Variants in PHF20 observed in about 807,000 individuals in gnomAD.
PHF20 encodes glioma-expressed antigen 2.
PHF20 carries 23 observed loss-of-function variants against 113.5 expected under a neutral mutation model. That is an observed-to-expected ratio of 0.20 (90% CI 0.15 to 0.29). PHF20 has a LOEUF of 0.29. Among genes scored for constraint, PHF20 ranks in the 10% least tolerant of loss-of-function variants. PHF20 has a pLI of 1.00. For missense variants in PHF20, 943 were observed against 1,219.6 expected (o/e 0.77, Z 3.38); for synonymous variants, 434 against 457.3 (o/e 0.95, Z 0.65).
At chr20:35,883,037 AAAAAAAG>A (rs1448815022) in intron 9 of PHF20, among the ~76,000 whole-genome samples, 1 of 151,566 alleles carries the variant, frequency 6.6e-6, no homozygotes, top group Non-Finnish European at 1.5e-5. Flanking sequence ...CAAAAAAAAA[AAAAAAAG>A]AAAAAAGAAA....
chr20:35,819,468 C>G (rs1036319998), intron 2 of PHF20, among the ~76,000 whole-genome samples: 1 of 152,150 alleles, frequency 6.6e-6, no homozygotes, highest in African/African-American at 2.4e-5. Flanking sequence ...ACTCTGGTAC[C>G]TTTCCACTAC....
chr20:35,918,512 T>G (rs965843531), intron 13 of PHF20, among the ~76,000 whole-genome samples: 4 of 152,174 alleles, frequency 2.6e-5, no homozygotes, highest in African/African-American at 9.7e-5. Flanking sequence ...GGTTCTTTTT[T>G]ATTTTATTCC....
intron 2 of PHF20, among the ~76,000 whole-genome samples, chr20:35,825,957 T>C (rs2042253427): frequency 6.6e-6 from 1 of 152,172 alleles, no homozygotes; most frequent in Non-Finnish European, 1.5e-5. Context: ...ATATGGACCA[T>C]TATGGGCACT....
chr20:35,890,650 G>A (rs2054831735), intron 9 of PHF20, among the ~76,000 whole-genome samples: 1 of 152,202 alleles, frequency 6.6e-6, no homozygotes. Flanking sequence ...GGAAGCCGAA[G>A]TGGGCAGATC....
intron 1 of PHF20, among the ~76,000 whole-genome samples, chr20:35,775,332 G>A (rs1301742268): frequency 6.6e-6 from 1 of 152,140 alleles, no homozygotes; most frequent in Non-Finnish European, 1.5e-5. Context: ...AAATAGGAAG[G>A]TGGTGGTTAG....
chr20:35,794,855 A>G (rs953360910), intron 1 of PHF20, among the ~76,000 whole-genome samples: 2 of 151,984 alleles, frequency 1.3e-5, no homozygotes, highest in Non-Finnish European at 2.9e-5. Context: ...CTCCCAAAAT[A>G]AAACCCAGAG....
At position 35,947,884 on chromosome 20, in the gene PHF20, G is replaced by GA. The variant is rs2056114974; in HGVS notation, c.*258dup. 2.8e-6 allele frequency: 1 copy of GA among 361,890 alleles called. No homozygotes were observed. Among genetic ancestry groups the GA allele is most frequent in the East Asian group, 4.3e-5 (1 of 23,522 alleles). The allele number at this position is 361,890 out of a possible 1,614,324, so 22.4% of individuals were successfully genotyped here. A position where few individuals can be genotyped will look rare whatever the true frequency, so the allele number is the denominator to read the frequency against. On this transcript the variant is annotated 3_prime_UTR_variant, in exon 18 of 18. Coordinates refer to ENST00000374012, the MANE Select transcript of PHF20 (RefSeq NM_016436.5). ...TCTTCTGTGCACATCGTTGAATGAA[G>GA]AGAGTCTTTTTGCACAAACTTCACT...
At chr20:35,834,926 A>AGTT (rs1266697363) in intron 2 of PHF20, among the ~76,000 whole-genome samples, 1 of 152,138 alleles carries the variant, frequency 6.6e-6, no homozygotes, top group Non-Finnish European at 1.5e-5. Flanking sequence ...TGAACATTTA[A>AGTT]GTTGTACCTG....
intron 14 of PHF20, among the ~76,000 whole-genome samples, chr20:35,930,213 G>C (rs2055725271): frequency 6.6e-6 from 1 of 152,162 alleles, no homozygotes; most frequent in African/African-American, 2.4e-5. Context: ...TTTGCAGGGG[G>C]ACTTGAGGCA....
chr20:35,916,136 A>G (rs1273141504), intron 12 of PHF20, among the ~76,000 whole-genome samples: 1 of 152,216 alleles, frequency 6.6e-6, no homozygotes, highest in Non-Finnish European at 1.5e-5. Flanking sequence ...TGTCTCAAAA[A>G]TAAGTAAATA....
chr20:35,794,312 A>AG (rs1600739399), intron 1 of PHF20, among the ~76,000 whole-genome samples: 1 of 151,870 alleles, frequency 6.6e-6, no homozygotes, highest in African/African-American at 2.4e-5. Flanking sequence ...AAAAAAAAAA[A>AG]AAAAGAAAAA....
intron 6 of PHF20, among the ~76,000 whole-genome samples, chr20:35,868,949 G>A (rs2054367969): frequency 6.6e-6 from 1 of 151,864 alleles, no homozygotes; most frequent in African/African-American, 2.4e-5. Flanking sequence ...AAATTAGCCG[G>A]GTGTGGTGTC....
At chr20:35,779,525 C>CT (rs11167277) in intron 1 of PHF20, among the ~76,000 whole-genome samples, 1 of 138,092 alleles carries the variant, frequency 7.2e-6, no homozygotes, top group African/African-American at 2.7e-5. Flanking sequence ...TCCTTTCTTT[C>CT]TTTTTTTTTT....
chr20:35,876,249 A>G (rs904836995), intron 9 of PHF20, among the ~76,000 whole-genome samples: 7 of 151,838 alleles, frequency 4.6e-5, no homozygotes, highest in East Asian at 1.9e-4. Flanking sequence ...TGAATGAGGT[A>G]TTTGCTTTTT....
rs756456878 is a variant in PHF20 at position 35,842,552 on chromosome 20, A to T, written c.84-21A>T. The stretch of plus-strand genomic sequence containing the variant: ...TGGGGTGGGTATTAAAGGAATGCCA[A>T]TTTTTTTTTTTCTGACTCAGGTATC... On this transcript the variant is annotated intron_variant, in intron 2 of 17. Coordinates refer to ENST00000374012, the MANE Select transcript of PHF20 (RefSeq NM_016436.5). 5.9e-5 allele frequency: 73 copies of T among 1,239,846 alleles called. No individual in the cohort carries two copies. The highest frequency in any genetic ancestry group is 2.8e-4 in the African/African-American group (18 of 65,412). 76.8% of individuals were successfully genotyped at this position (1,239,846 alleles called of 1,614,324 possible). A position where few individuals can be genotyped will look rare whatever the true frequency, so the allele number is the denominator to read the frequency against.
chr20:35,822,380 TA>T (rs1222903711), intron 2 of PHF20, among the ~76,000 whole-genome samples: 2 of 151,388 alleles, frequency 1.3e-5, no homozygotes, highest in Non-Finnish European at 2.9e-5. Flanking sequence ...ATTGTGCTGC[TA>T]TACTGTATGA....
At position 35,913,291 on chromosome 20, in the gene PHF20, A is replaced by T. The variant is rs779220829; in HGVS notation, c.1604A>T (p.Glu535Val). The T allele has an allele frequency of 3.5e-5, 56 of 1,603,360 alleles. No individual in the cohort carries two copies. The East Asian group carries it at 8.0e-4, about 23-fold the overall frequency. The change falls in exon 11 of 18, where the codon GAG becomes GTG. Residue 535 changes from glutamate (E) to valine (V), a missense_variant. Transcript: ENST00000374012. Reference protein sequence around the residue: ...KEKNKEKKFKEFVRVKPKKKK... With the variant: ...KEKNKEKKFKVFVRVKPKKKK... ...AAGAATAAAGAGAAGAAATTCAAGG[A>T]GTTTGTGAGAGTGAAGCCAAAGAAG...
At chr20:35,917,058 T>C in intron 12 of PHF20, 1 of 308,076 alleles carries the variant, frequency 3.2e-6, no homozygotes, top group Non-Finnish European at 6.4e-6. Context: ...ACCACCATGC[T>C]CAGCCTTTGT....
chr20:35,798,271 G>C (rs1171889248), intron 1 of PHF20, among the ~76,000 whole-genome samples: 2 of 151,994 alleles, frequency 1.3e-5, no homozygotes, highest in Non-Finnish European at 2.9e-5. Context: ...AAATTAGCTG[G>C]GTGTGGTGGC....
Sources: allele counts gnomAD v4.1 joint callset (sites outside exome capture counted in the v4.1 genomes callset), GRCh38; gene constraint gnomAD v4.1.1; transcripts MANE v1.5; gene names NCBI Gene and HGNC (gene_info 2026-07-23, HGNC 2026-07-21).